The following CCDC148 variants were observed in gnomAD, a reference collection of about 807,000 sequenced individuals.
CCDC148 encodes the protein coiled-coil domain-containing protein 148.
Under a neutral mutation model 85.7 loss-of-function variants are expected in CCDC148, and 89 were observed. The observed-to-expected ratio is 1.04, with a 90% CI of 0.87 to 1.24. The LOEUF is 1.24. Ranked by LOEUF, CCDC148 falls within the 50% of genes most tolerant of loss-of-function variation. The pLI is 0.00. For synonymous variants in CCDC148, 230 were observed against 213.9 expected (o/e 1.08, Z -0.66); for missense variants, 692 against 671.7 (o/e 1.03, Z -0.33).
intron 9 of CCDC148, among the ~76,000 whole-genome samples, chr2:158,301,398 G>A (rs1408052825): frequency 6.6e-6 from 1 of 152,198 alleles, no homozygotes; most frequent in Non-Finnish European, 1.5e-5. Context: ...AGGAAAATGA[G>A]GATTTCTATT....
intron 1 of CCDC148, chr2:158,420,162 G>A (rs1574787950): frequency 6.6e-6 from 1 of 152,172 alleles, no homozygotes; most frequent in African/African-American, 2.4e-5. Flanking sequence ...GAAACAAGTT[G>A]GAAAACACTC....
intron 7 of CCDC148, among the ~76,000 whole-genome samples, chr2:158,329,058 C>T (rs997708591): frequency 7.2e-5 from 11 of 152,056 alleles, no homozygotes; most frequent in Non-Finnish European, 2.9e-5. Context: ...GTTGCCATTG[C>T]TTTTGGTGTT....
chr2:158,338,671 AAAAAT>A (rs1177694418), intron 7 of CCDC148, 50 bp downstream of exon 7: 1 of 1,350,272 alleles, frequency 7.4e-7, no homozygotes, highest in Non-Finnish European at 1.0e-6. Flanking sequence ...GATCCCAAAC[AAAAAT>A]AAAAAGTTAG....
At chr2:158,178,619 C>G (rs1684710916) in intron 12 of CCDC148, among the ~76,000 whole-genome samples, 1 of 152,012 alleles carries the variant, frequency 6.6e-6, no homozygotes, top group African/African-American at 2.4e-5. Context: ...CTAATAAACT[C>G]TAGGTGATAT....
At chr2:158,422,517 T>G (rs1201406033) in intron 1 of CCDC148, among the ~76,000 whole-genome samples, 1 of 152,146 alleles carries the variant, frequency 6.6e-6, no homozygotes, top group Non-Finnish European at 1.5e-5. Flanking sequence ...GAAAAGGCCT[T>G]TGACGAAATT....
chr2:158,411,508 T>C (rs752175265), intron 1 of CCDC148, among the ~76,000 whole-genome samples: 2 of 152,126 alleles, frequency 1.3e-5, no homozygotes, highest in Non-Finnish European at 2.9e-5. Context: ...TTACATTGTT[T>C]AGTTCTAGAA....
intron 10 of CCDC148, among the ~76,000 whole-genome samples, chr2:158,225,211 C>T (rs924185905): frequency 2.0e-5 from 3 of 152,042 alleles, no homozygotes; most frequent in African/African-American, 7.2e-5. Flanking sequence ...ACAAAGAAGG[C>T]CATTACATAA....
At chr2:158,349,232 A>G (rs1683142903) in intron 2 of CCDC148, among the ~76,000 whole-genome samples, 1 of 152,072 alleles carries the variant, frequency 6.6e-6, no homozygotes, top group South Asian at 2.1e-4. Flanking sequence ...TTATCATTTT[A>G]TTTAAATATG....
intron 10 of CCDC148, among the ~76,000 whole-genome samples, chr2:158,223,381 C>T (rs1210564190): frequency 3.9e-5 from 6 of 152,214 alleles, no homozygotes; most frequent in Non-Finnish European, 8.8e-5. Flanking sequence ...CCTCTGTAGA[C>T]TCCACTCTAG....
chr2:158,437,732 T>A (rs1197233260), intron 1 of CCDC148, among the ~76,000 whole-genome samples: 1 of 152,164 alleles, frequency 6.6e-6, no homozygotes, highest in Non-Finnish European at 1.5e-5. Flanking sequence ...GAAAACCCCA[T>A]CGTCTCAGCC....
chr2:158,356,599 G>A (rs1161551005), intron 2 of CCDC148, among the ~76,000 whole-genome samples: 1 of 150,454 alleles, frequency 6.6e-6, no homozygotes, highest in East Asian at 2.0e-4. Context: ...TGGAGAGGAT[G>A]TGGAGAAATA....
At chr2:158,341,985 C>A (rs1682724344) in intron 3 of CCDC148, among the ~76,000 whole-genome samples, 1 of 142,914 alleles carries the variant, frequency 7.0e-6, no homozygotes, top group Non-Finnish European at 1.5e-5. Context: ...TTTAATGACT[C>A]CATAGTATTC....
intron 1 of CCDC148, among the ~76,000 whole-genome samples, chr2:158,363,303 A>G (rs1421194581): frequency 6.6e-6 from 1 of 152,214 alleles, no homozygotes; most frequent in African/African-American, 2.4e-5. Flanking sequence ...AATCCTCCCT[A>G]ACTCATTTTG....
chr2:158,320,394 C>A (rs932251867), intron 7 of CCDC148, among the ~76,000 whole-genome samples: 2 of 152,140 alleles, frequency 1.3e-5, no homozygotes, highest in Non-Finnish European at 2.9e-5. Flanking sequence ...GTTATTCTTA[C>A]ATTACTTGTT....
chr2:158,393,111 A>G (rs1250325137), intron 1 of CCDC148: 2 of 152,190 alleles, frequency 1.3e-5, no homozygotes, highest in Non-Finnish European at 2.9e-5. Flanking sequence ...AAAAATAACT[A>G]TAACATTTCA....
chr2:158,361,015 C>T (rs984287655), intron 1 of CCDC148, among the ~76,000 whole-genome samples: 1 of 151,732 alleles, frequency 6.6e-6, no homozygotes, highest in African/African-American at 2.4e-5. Context: ...AGCACAAGAA[C>T]TTTGTGAAGA....
chr2:158,437,995 A>C lies in CCDC148; in HGVS notation c.25+18420T>G, dbSNP rs533375242. ...AAAGAGGATACAAACAAATGGAAGAACATTCCATGCCCATGGGTAGGAAGA... is the reference window on the plus strand; with the variant it reads ...AAAGAGGATACAAACAAATGGAAGACCATTCCATGCCCATGGGTAGGAAGA... On this transcript the variant is annotated intron_variant, in intron 1 of 13. Transcript: ENST00000283233. Among the ~76,000 whole-genome samples the C allele has an allele frequency of 2.6e-5, 4 of 152,360 alleles. No homozygotes were observed. In the South Asian group the frequency reaches 8.3e-4, roughly 32 times the overall value.
chr2:158,196,924 G>A (rs974859760), intron 11 of CCDC148, among the ~76,000 whole-genome samples: 6 of 152,228 alleles, frequency 3.9e-5, no homozygotes, highest in Non-Finnish European at 7.4e-5. Context: ...GCCCACCTTA[G>A]TATCTACTAA....
chr2:158,309,328 T>C (rs991657136), intron 9 of CCDC148, 105 bp downstream of exon 9: 4 of 964,190 alleles, frequency 4.1e-6, no homozygotes, highest in Non-Finnish European at 6.1e-6. Context: ...AAGGTAGGCT[T>C]TTGTTTTTTA....
Sources: gnomAD v4.1 joint callset for allele counts (sites outside exome capture counted in the v4.1 genomes callset) on GRCh38, gnomAD v4.1.1 for gene constraint, MANE v1.5 for transcripts, NCBI Gene and HGNC (gene_info 2026-07-23, HGNC 2026-07-21) for gene names.